Variants in EPRS1 observed in about 807,000 individuals in gnomAD.
EPRS1 encodes bifunctional glutamate/proline--tRNA ligase.
In EPRS1, 107 loss-of-function variants were observed where a neutral mutation model predicts 188.3. That is an observed-to-expected ratio of 0.57 (90% CI 0.49 to 0.67). The LOEUF is 0.67. Among genes scored for constraint, EPRS1 ranks in the 30% least tolerant of loss-of-function variants. The pLI, the probability that EPRS1 is intolerant of heterozygous loss-of-function variation, is 0.00. For synonymous variants in EPRS1, 596 were observed against 593.1 expected (o/e 1.00, Z -0.07); for missense variants, 1,577 against 1,802.2 (o/e 0.88, Z 2.26).
intron 1 of EPRS1, among the ~76,000 whole-genome samples, chr1:220,040,993 C>G (rs899673630): frequency 6.6e-6 from 1 of 151,330 alleles, no homozygotes. Flanking sequence ...AGTCACTATG[C>G]CAAATGCTTT....
chr1:220,019,783 C>T (rs1017782107), intron 10 of EPRS1, among the ~76,000 whole-genome samples: 3 of 152,090 alleles, frequency 2.0e-5, no homozygotes, highest in African/African-American at 4.8e-5. Flanking sequence ...TCCATGATCC[C>T]CAGTGGGCAC....
At chr1:219,979,056 G>A (rs1431537721) in intron 27 of EPRS1, among the ~76,000 whole-genome samples, 1 of 151,856 alleles carries the variant, frequency 6.6e-6, no homozygotes, top group Admixed American at 6.6e-5. Context: ...ATTTTGCCAT[G>A]TTGCCCAGGC....
At chr1:219,980,894 G>A (rs1323492395) in intron 24 of EPRS1, 37 bp from the exon 25 acceptor site, 4 of 1,440,008 alleles carry the variant, frequency 2.8e-6, no homozygotes, top group Non-Finnish European at 2.8e-6. Context: ...TCATTATAAA[G>A]AGCTTTTCAA....
chr1:219,996,328 C>G (rs182638699), intron 18 of EPRS1, among the ~76,000 whole-genome samples: 1 of 152,338 alleles, frequency 6.6e-6, no homozygotes, highest in East Asian at 1.9e-4. Context: ...TCTTGACAAT[C>G]CATTTGTTAT....
In EPRS1 at chr1:220,006,168, T is replaced by C. The variant is rs150364999; in HGVS notation, c.1888A>G (p.Ile630Val). 407 of 1,598,796 alleles carry C rather than the reference T, an allele frequency of 2.5e-4. 3 individuals carry two copies. Among genetic ancestry groups the C allele is most frequent in the South Asian group, 1.9e-3 (171 of 89,384 alleles). The stretch of plus-strand genomic sequence containing the variant: ...TCTTTTCCTAGCACTGGCTTTGTGA[T>C]CAAGTGCTCATAAGTGACACAGATT... ...PVICVTYEHL[I>V]TKPVLGKDED... Residue 630 changes from isoleucine (I) to valine (V), a missense_variant, in exon 15 of 32, where the codon ATC becomes GTC. Physicochemically the swap from Ile to Val is conservative, Grantham distance 29 (BLOSUM62 3). Transcript: ENST00000366923.
chr1:219,987,929 A>G (rs1022015885), intron 19 of EPRS1, among the ~76,000 whole-genome samples: 2 of 152,230 alleles, frequency 1.3e-5, no homozygotes, highest in Non-Finnish European at 2.9e-5. Flanking sequence ...TTGTTATAGC[A>G]TATTTCCATC....
At chr1:220,036,912 C>A (rs1662192006) in intron 2 of EPRS1, among the ~76,000 whole-genome samples, 1 of 149,914 alleles carries the variant, frequency 6.7e-6, no homozygotes. Flanking sequence ...AAAAGAGTAT[C>A]CAGAATGTAA....
intron 16 of EPRS1, among the ~76,000 whole-genome samples, chr1:220,004,461 C>A (rs1179833229): frequency 1.3e-5 from 2 of 151,964 alleles, no homozygotes; most frequent in African/African-American, 4.8e-5. Context: ...TACCTGAGAG[C>A]CTGTTTTGGC....
rs1661931637 is a variant in EPRS1, at chr1:220,024,300, G to A, written c.907C>T (p.Arg303Cys). The part of the protein sequence containing the change: ...DTPAEQMKAE[R>C]EQRIDSKHRK... ...TGTTTAGAGTCTATCCTCTGCTCACGTTCTGCTTTCATCTGTTCAGCAGGA... is the reference window on the plus strand; with the variant it reads ...TGTTTAGAGTCTATCCTCTGCTCACATTCTGCTTTCATCTGTTCAGCAGGA... The change falls in exon 8 of 32, where the codon CGT becomes TGT. Residue 303 changes from arginine (R) to cysteine (C), a missense_variant. Physicochemically the swap from Arg to Cys is radical, Grantham distance 180. Transcript: ENST00000366923. 4 of 1,607,220 alleles carry A rather than the reference G, an allele frequency of 2.5e-6. No individual in the cohort carries two copies. The highest frequency in any genetic ancestry group is 2.2e-5 in the East Asian group (1 of 44,772).
rs763737931 is a variant in EPRS1 at position 220,022,447 on chromosome 1, G to A, written c.1015C>T (p.Arg339Ter). 3.1e-6 allele frequency: 5 copies of A among 1,613,908 alleles called. No homozygotes were observed. Among genetic ancestry groups the A allele is most frequent in the East Asian group, 2.2e-5 (1 of 44,880 alleles). Reference sequence around the variant, plus strand: ...TTACTACTCATGTCAATTTTTGCTCGCAAACAACAGGACTGACCAAACTGG... The same window carrying A: ...TTACTACTCATGTCAATTTTTGCTCACAAACAACAGGACTGACCAAACTGG... ...GSQFGQSCCL[R>*]AKIDMSSNNG... Residue 339 changes from arginine (R) to a stop codon, truncating the protein, a stop_gained, in exon 9 of 32, where the codon CGA becomes TGA. Transcript: ENST00000366923. LOFTEE classifies it high-confidence loss of function.
intron 13 of EPRS1, among the ~76,000 whole-genome samples, chr1:220,010,577 C>T (rs1162887321): frequency 5.9e-5 from 9 of 151,922 alleles, no homozygotes; most frequent in Non-Finnish European, 1.2e-4. Flanking sequence ...TTTGGGAGGC[C>T]GACGCAGGCA....
At chr1:220,036,398 C>A (rs1034080354) in intron 2 of EPRS1, among the ~76,000 whole-genome samples, 3 of 151,932 alleles carry the variant, frequency 2.0e-5, no homozygotes, top group Non-Finnish European at 4.4e-5. Context: ...TTCACTGCAG[C>A]GCTATTCACA....
chr1:220,025,336 T>C, intron 6 of EPRS1, 78 bp from the exon 7 acceptor site: 1 of 1,143,740 alleles, frequency 8.7e-7, no homozygotes, highest in East Asian at 2.6e-5. Context: ...TTTGAGGAGA[T>C]GAGAACTAAA....
chr1:220,046,496 C>T lies in EPRS1; in HGVS notation c.-108G>A, dbSNP rs1008682926. On this transcript the variant is annotated 5_prime_UTR_variant, in exon 1 of 32. Coordinates refer to ENST00000366923, the MANE Select transcript of EPRS1 (RefSeq NM_004446.3). ...AACGTGTGCGCGTACCCGACGCCGC[C>T]GCAGCCTTCGCTCCGCCCCTGCGCC... 37 of 1,517,246 alleles carry T rather than the reference C, an allele frequency of 2.4e-5. No homozygotes were observed. Among genetic ancestry groups the T allele is most frequent in the African/African-American group, 4.1e-5 (3 of 72,432 alleles). The allele number at this position is 1,517,246 out of a possible 1,614,324, so 94.0% of individuals were successfully genotyped here.
intron 13 of EPRS1, among the ~76,000 whole-genome samples, chr1:220,010,087 C>A (rs1192928120): frequency 9.9e-6 from 1 of 101,452 alleles, no homozygotes; most frequent in African/African-American, 3.9e-5. Context: ...CAAAGCGCAA[C>A]TGTCTCAAAA....
chr1:220,029,635 C>T (rs1046494918), intron 6 of EPRS1, among the ~76,000 whole-genome samples: 1 of 152,136 alleles, frequency 6.6e-6, no homozygotes, highest in East Asian at 1.9e-4. Context: ...CATGGCAGAA[C>T]ATTTTCCTAA....
At chr1:219,971,517 A>T (rs1223625044) in intron 30 of EPRS1, among the ~76,000 whole-genome samples, 1 of 152,000 alleles carries the variant, frequency 6.6e-6, no homozygotes, top group African/African-American at 2.4e-5. Flanking sequence ...CAGTCAGGGA[A>T]TGGAAAGAAA....
At chr1:220,009,603 C>T (rs1171902228) in intron 13 of EPRS1, among the ~76,000 whole-genome samples, 1 of 151,828 alleles carries the variant, frequency 6.6e-6, no homozygotes, top group Non-Finnish European at 1.5e-5. Flanking sequence ...GGAAGGATCA[C>T]TTGAGACCAA....
intron 28 of EPRS1, among the ~76,000 whole-genome samples, chr1:219,974,734 C>T (rs1660743375): frequency 6.6e-6 from 1 of 151,998 alleles, no homozygotes; most frequent in Admixed American, 6.6e-5. Flanking sequence ...TATTTTATTG[C>T]TTTAGTTATT....
Sources: gnomAD v4.1 joint callset for allele counts (sites outside exome capture counted in the v4.1 genomes callset) on GRCh38, gnomAD v4.1.1 for gene constraint, MANE v1.5 for transcripts, NCBI Gene and HGNC (gene_info 2026-07-23, HGNC 2026-07-21) for gene names.